The following CDC37L1 variants were observed in gnomAD, a reference collection of about 807,000 sequenced individuals.
CDC37L1 encodes the protein hsp90 co-chaperone Cdc37-like 1.
In CDC37L1, 32 loss-of-function variants were observed where a neutral mutation model predicts 45.9. The ratio of observed to expected loss-of-function variants is 0.70; its 90% CI spans 0.53 to 0.94. The LOEUF (loss-of-function observed/expected upper bound fraction) is 0.94. CDC37L1 is among the 40% of genes least tolerant of loss of function. The pLI is 0.00. For missense variants in CDC37L1, 434 were observed against 405.7 expected (o/e 1.07, Z -0.60); for synonymous variants, 150 against 133.0 (o/e 1.13, Z -0.88).
At chr9:4,705,986 C>G (rs376324607) in intron 6 of CDC37L1, 25 bp from the exon 7 acceptor site, 1 of 1,146,000 alleles carries the variant, frequency 8.7e-7, no homozygotes, top group East Asian at 2.3e-5. Context: ...TTTCTCCCCC[C>G]AATCTACCTT....
intron 3 of CDC37L1, among the ~76,000 whole-genome samples, chr9:4,690,424 G>T (rs541622833): frequency 1.3e-5 from 2 of 152,106 alleles, no homozygotes; most frequent in Non-Finnish European, 2.9e-5. Flanking sequence ...TGAGATTTTG[G>T]TGTTTTTCGC....
chr9:4,699,810 G>A (rs953663154), intron 5 of CDC37L1, among the ~76,000 whole-genome samples: 3 of 151,880 alleles, frequency 2.0e-5, no homozygotes, highest in Admixed American at 6.6e-5. Flanking sequence ...TAAACTGTGC[G>A]CATATCTTTT....
At chr9:4,703,203 A>G (rs1841415891) in intron 6 of CDC37L1, 1 of 1,261,086 alleles carries the variant, frequency 7.9e-7, no homozygotes, top group Non-Finnish European at 1.0e-6. Context: ...TAAACCTCAT[A>G]AAGTGCTAAA....
intron 6 of CDC37L1, chr9:4,703,204 A>G: frequency 7.9e-7 from 1 of 1,258,942 alleles, no homozygotes; most frequent in Non-Finnish European, 1.0e-6. Context: ...AAACCTCATA[A>G]AGTGCTAAAA....
chr9:4,690,457 T>G (rs1841290012), intron 3 of CDC37L1, among the ~76,000 whole-genome samples: 1 of 152,204 alleles, frequency 6.6e-6, no homozygotes, highest in South Asian at 2.1e-4. Context: ...AGGTGTTCAG[T>G]GGCTAAACTG....
At chr9:4,702,434 C>T (rs1165575798) in intron 6 of CDC37L1, among the ~76,000 whole-genome samples, 1 of 152,156 alleles carries the variant, frequency 6.6e-6, no homozygotes, top group Non-Finnish European at 1.5e-5. Context: ...CCAGTGTGAT[C>T]TGTTGCTTAA....
chr9:4,702,063 C>A, intron 6 of CDC37L1, 35 bp downstream of exon 6: 1 of 1,134,086 alleles, frequency 8.8e-7, no homozygotes, highest in Non-Finnish European at 1.2e-6. Flanking sequence ...TTTTATAAGC[C>A]TATTAATTCA....
At chr9:4,693,741 C>G (rs1382686498) in intron 3 of CDC37L1, among the ~76,000 whole-genome samples, 1 of 152,140 alleles carries the variant, frequency 6.6e-6, no homozygotes, top group Non-Finnish European at 1.5e-5. Context: ...GCTAAATAAA[C>G]ATTTTGAATG....
At position 4,706,077 on chromosome 9, in the gene CDC37L1, G is replaced by A; in HGVS notation, c.979G>A (p.Glu327Lys). The change falls in exon 7 of 7, where the codon GAA becomes AAA. Residue 327 changes from glutamate (E) to lysine (K), a missense_variant. Physicochemically the swap from Glu to Lys is moderately conservative, Grantham distance 56. Transcript: ENST00000381854. Reference sequence around the variant, plus strand: ...CAGCTTAAACTCGGTGGTACATAAAGAAGATGATGAACCCAAAATGATGGA... The same window carrying A: ...CAGCTTAAACTCGGTGGTACATAAAAAAGATGATGAACCCAAAATGATGGA... Reference protein sequence around the residue: ...LCSLNSVVHKEDDEPKMMDTV With the variant: ...LCSLNSVVHKKDDEPKMMDTV 1 of 1,601,270 alleles carries A rather than the reference G, an allele frequency of 6.2e-7. No homozygotes were observed. Among genetic ancestry groups the A allele is most frequent in the Non-Finnish European group, 8.6e-7 (1 of 1,168,510 alleles).
chr9:4,687,563 C>G (rs371617260), intron 2 of CDC37L1, among the ~76,000 whole-genome samples: 50 of 151,412 alleles, frequency 3.3e-4, no homozygotes, highest in African/African-American at 1.1e-3. Context: ...CCTGTAGTCC[C>G]AGCTACTCTG....
rs1484415954 is a variant in CDC37L1 at position 4,706,839 on chromosome 9, A to G, written c.*727A>G. 1.5e-5 allele frequency: 2 copies of G among 133,852 alleles called. No homozygotes were observed. The highest frequency in any genetic ancestry group is 2.4e-4 in the East Asian group (1 of 4,184). The allele number at this position is 133,852 out of a possible 1,614,324, so 8.3% of individuals were successfully genotyped here. A position where few individuals can be genotyped will look rare whatever the true frequency, so the allele number is the denominator to read the frequency against. Reference sequence around the variant, plus strand: ...GCTAATATAGATTTTCTTTTTAAATAAGAATAACTTCAAGCTCACTCTTTC... The same window carrying G: ...GCTAATATAGATTTTCTTTTTAAATGAGAATAACTTCAAGCTCACTCTTTC... On this transcript the variant is annotated 3_prime_UTR_variant, in exon 7 of 7. Coordinates refer to ENST00000381854, the MANE Select transcript of CDC37L1 (RefSeq NM_017913.4).
At chr9:4,698,102 T>G (rs894228210) in intron 5 of CDC37L1, among the ~76,000 whole-genome samples, 1 of 152,202 alleles carries the variant, frequency 6.6e-6, no homozygotes, top group African/African-American at 2.4e-5. Flanking sequence ...TTGAGACCCA[T>G]TTAAATGAAT....
intron 1 of CDC37L1, among the ~76,000 whole-genome samples, chr9:4,682,484 T>C (rs980348623): frequency 1.3e-5 from 2 of 151,822 alleles, no homozygotes; most frequent in African/African-American, 4.8e-5. Flanking sequence ...CCCGCCACCA[T>C]GCCCGGCTAA....
At chr9:4,691,632 G>A (rs914000239) in intron 3 of CDC37L1, among the ~76,000 whole-genome samples, 9 of 151,908 alleles carry the variant, frequency 5.9e-5, no homozygotes, top group Admixed American at 3.3e-4. Flanking sequence ...GTTTCTCTGT[G>A]GTCTTATTTG....
chr9:4,695,192 G>T lies in CDC37L1; in HGVS notation c.509-1904G>T, dbSNP rs530659357. Among the ~76,000 whole-genome samples, 96 of 152,220 alleles carry T rather than the reference G, an allele frequency of 6.3e-4. 1 individual carries two copies. Among genetic ancestry groups the T allele is most frequent in the African/African-American group, 2.2e-3 (93 of 41,532 alleles). ...TAAATCTGAGTCCCAGGAATCATTAGGCTTTTTTAAGAGATATGGTCTTGC... is the reference window on the plus strand; with the variant it reads ...TAAATCTGAGTCCCAGGAATCATTATGCTTTTTTAAGAGATATGGTCTTGC... On this transcript the variant is annotated intron_variant, in intron 3 of 6. Coordinates refer to ENST00000381854, the MANE Select transcript of CDC37L1 (RefSeq NM_017913.4).
chr9:4,697,361 C>A, intron 4 of CDC37L1, 150 bp downstream of exon 4: 1 of 605,534 alleles, frequency 1.7e-6, no homozygotes, highest in Non-Finnish European at 2.9e-6. Flanking sequence ...GCTTCCAGAT[C>A]TACTTGAGTT....
In CDC37L1 at chr9:4,696,735, AC is replaced by A. The variant is rs1587621410; in HGVS notation, c.509-360del. ...TAATTTTTAAAAGACTTTGTTTATA[AC>A]AGACATCATGAGTAAATGGCTTACA... On this transcript the variant is annotated intron_variant, in intron 3 of 6. Coordinates refer to ENST00000381854, the MANE Select transcript of CDC37L1 (RefSeq NM_017913.4). Among the ~76,000 whole-genome samples, 3 of 152,216 alleles carry A rather than the reference AC, an allele frequency of 2.0e-5. No individual in the cohort carries two copies. In the East Asian group the frequency reaches 5.8e-4, roughly 29 times the overall value.
At chr9:4,682,129 C>T (rs1841199725) in intron 1 of CDC37L1, among the ~76,000 whole-genome samples, 1 of 150,206 alleles carries the variant, frequency 6.7e-6, no homozygotes, top group African/African-American at 2.4e-5. Context: ...TCCATATTAC[C>T]ATATTACTTT....
intron 5 of CDC37L1, among the ~76,000 whole-genome samples, chr9:4,699,145 A>G (rs1179154884): frequency 6.6e-6 from 1 of 152,240 alleles, no homozygotes; most frequent in Non-Finnish European, 1.5e-5. Context: ...ACTCTTACAC[A>G]TATGTACTAG....
Sources: gnomAD v4.1 joint callset for allele counts (sites outside exome capture counted in the v4.1 genomes callset) on GRCh38, gnomAD v4.1.1 for gene constraint, MANE v1.5 for transcripts, NCBI Gene and HGNC (gene_info 2026-07-23, HGNC 2026-07-21) for gene names.